Variants in ANXA10 observed in about 807,000 individuals in gnomAD.
ANXA10 encodes the protein annexin 14.
In ANXA10, 49 loss-of-function variants were observed where a neutral mutation model predicts 53.5. That is an observed-to-expected ratio of 0.92 (90% CI 0.73 to 1.16). The LOEUF is 1.16. ANXA10 is among the 50% of genes most tolerant of loss of function. The pLI is 0.00. For missense variants in ANXA10, 393 were observed against 394.4 expected, an observed-to-expected ratio of 1.00 and a Z score of 0.03; for synonymous variants, 131 against 128.9, an observed-to-expected ratio of 1.02 and a Z score of -0.11.
At chr4:168,167,172 TCCTG>T (rs1168830378) in intron 6 of ANXA10, among the ~76,000 whole-genome samples, 1 of 152,184 alleles carries the variant, frequency 6.6e-6, no homozygotes, top group African/African-American at 2.4e-5. Flanking sequence ...CTGTCCTTTA[TCCTG>T]CTTGGCTTTA....
chr4:168,094,492 C>T (rs981342907), intron 1 of ANXA10, among the ~76,000 whole-genome samples: 1 of 152,096 alleles, frequency 6.6e-6, no homozygotes, highest in African/African-American at 2.4e-5. Context: ...TGAGGCCAAG[C>T]TTATCTCTTT....
chr4:168,100,487 G>C (rs1414032737), intron 1 of ANXA10, among the ~76,000 whole-genome samples: 2 of 151,942 alleles, frequency 1.3e-5, no homozygotes, highest in Non-Finnish European at 2.9e-5. Context: ...TCTCATACAG[G>C]TTCCTTCATC....
At chr4:168,108,721 C>CCCTCTCA (rs1382001594) in intron 1 of ANXA10, among the ~76,000 whole-genome samples, 7 of 152,152 alleles carry the variant, frequency 4.6e-5, no homozygotes, top group African/African-American at 1.7e-4. Context: ...TGTGAAGCCA[C>CCCTCTCA]CCTCTCACTT....
At chr4:168,127,022 A>C (rs891411728) in intron 1 of ANXA10, among the ~76,000 whole-genome samples, 8 of 152,142 alleles carry the variant, frequency 5.3e-5, no homozygotes, top group African/African-American at 1.7e-4. Context: ...AATTAATAGG[A>C]ATGTCTGAGT....
intron 1 of ANXA10, among the ~76,000 whole-genome samples, chr4:168,103,756 G>C (rs1342993106): frequency 6.6e-6 from 1 of 151,698 alleles, no homozygotes; most frequent in East Asian, 1.9e-4. Context: ...AAGGAGACTT[G>C]GCATCTTAAC....
chr4:168,162,390 T>C, intron 3 of ANXA10, 138 bp from the exon 4 acceptor site: 1 of 668,426 alleles, frequency 1.5e-6, no homozygotes. Context: ...TGCATACATA[T>C]ACATGTGAAT....
intron 3 of ANXA10, among the ~76,000 whole-genome samples, chr4:168,143,984 G>A (rs1171047996): frequency 6.6e-6 from 1 of 152,054 alleles, no homozygotes; most frequent in African/African-American, 2.4e-5. Context: ...ACTCAAGAGG[G>A]CCTAATCTAA....
chr4:168,165,747 G>T (rs1333133542), intron 6 of ANXA10, among the ~76,000 whole-genome samples: 1 of 152,078 alleles, frequency 6.6e-6, no homozygotes, highest in Admixed American at 6.6e-5. Flanking sequence ...CATGATCTCA[G>T]CTCACTGCAA....
chr4:168,124,109 T>C (rs1034018923), intron 1 of ANXA10, among the ~76,000 whole-genome samples: 1 of 152,204 alleles, frequency 6.6e-6, no homozygotes, highest in Non-Finnish European at 1.5e-5. Context: ...GTGCAATTGA[T>C]GCTGTAGTAG....
chr4:168,187,217 G>A (rs1732387069), intron 11 of ANXA10, 149 bp from the exon 12 acceptor site: 1 of 411,538 alleles, frequency 2.4e-6, no homozygotes, highest in East Asian at 3.8e-5. Context: ...AGTACTTAGG[G>A]CATGTTAAAC....
At position 168,176,223 on chromosome 4, in the gene ANXA10, T is replaced by C. The variant is rs148381685; in HGVS notation, c.481-1517T>C. Among the ~76,000 whole-genome samples the C allele has an allele frequency of 2.6e-5, 4 of 152,266 alleles. 1 individual carries two copies. In the South Asian group the frequency reaches 6.2e-4, roughly 24 times the overall value. On this transcript the variant is annotated intron_variant, in intron 6 of 11. Transcript: ENST00000359299. ...TAGCAATTCTTGGCAATTCTGGACA[T>C]TGAATATATGAGGTGTCAATGACCA...
At chr4:168,099,388 G>T (rs1230276452) in intron 1 of ANXA10, among the ~76,000 whole-genome samples, 4 of 152,102 alleles carry the variant, frequency 2.6e-5, no homozygotes, top group Non-Finnish European at 5.9e-5. Context: ...CACCTTCTGT[G>T]TACCTTTCCT....
At chr4:168,171,955 C>A (rs1238376462) in intron 6 of ANXA10, among the ~76,000 whole-genome samples, 1 of 152,106 alleles carries the variant, frequency 6.6e-6, no homozygotes, top group Non-Finnish European at 1.5e-5. Flanking sequence ...TTCTTGAACC[C>A]GTACAATGAG....
intron 1 of ANXA10, among the ~76,000 whole-genome samples, chr4:168,126,143 AG>A (rs1266854918): frequency 6.6e-6 from 1 of 152,180 alleles, no homozygotes; most frequent in African/African-American, 2.4e-5. Context: ...GCATATAAAA[AG>A]GGCATTGTTC....
intron 1 of ANXA10, among the ~76,000 whole-genome samples, chr4:168,095,558 GTTTAA>G (rs2149463060): frequency 6.6e-6 from 1 of 151,960 alleles, no homozygotes; most frequent in South Asian, 2.1e-4. Flanking sequence ...TCCATACCTT[GTTTAA>G]TTTAATCTTC....
intron 10 of ANXA10, among the ~76,000 whole-genome samples, chr4:168,182,519 G>C (rs1325838197): frequency 6.0e-5 from 9 of 148,872 alleles, no homozygotes; most frequent in Admixed American, 3.3e-4. Flanking sequence ...GTTTTTAGTA[G>C]AGACGGGGTT....
At chr4:168,180,482 C>T (rs1371440665) in intron 9 of ANXA10, among the ~76,000 whole-genome samples, 1 of 152,150 alleles carries the variant, frequency 6.6e-6, no homozygotes, top group African/African-American at 2.4e-5. Flanking sequence ...TGGCAGAAAA[C>T]ATTTCAACTG....
chr4:168,168,288 A>G (rs760129830), intron 6 of ANXA10, among the ~76,000 whole-genome samples: 6 of 152,198 alleles, frequency 3.9e-5, no homozygotes, highest in Non-Finnish European at 5.9e-5. Context: ...TGCAATGCAT[A>G]TCCATTTCTG....
intron 1 of ANXA10, among the ~76,000 whole-genome samples, chr4:168,126,063 T>C (rs1414741460): frequency 6.6e-6 from 1 of 152,142 alleles, no homozygotes; most frequent in East Asian, 1.9e-4. Flanking sequence ...TTTCTCACTG[T>C]CACATTGAAA....
Sources: gnomAD v4.1 joint callset for allele counts (sites outside exome capture counted in the v4.1 genomes callset) on GRCh38, gnomAD v4.1.1 for gene constraint, MANE v1.5 for transcripts, NCBI Gene and HGNC (gene_info 2026-07-23, HGNC 2026-07-21) for gene names.